Variants in STAT3 observed in about 807,000 individuals in gnomAD.
STAT3 encodes the protein signal transducer and activator of transcription 3.
Under a neutral mutation model 114.3 loss-of-function variants are expected in STAT3, and 7 were observed. The observed-to-expected ratio is 0.06, with a 90% CI of 0.03 to 0.11. STAT3 has a LOEUF of 0.11. Ranked by LOEUF, STAT3 falls within the 10% of genes least tolerant of loss-of-function variation. The pLI, the probability that STAT3 is intolerant of heterozygous loss-of-function variation, is 1.00. For synonymous variants in STAT3, 331 were observed against 354.5 expected, an observed-to-expected ratio of 0.93 and a Z score of 0.74; for missense variants, 364 against 960.9, an observed-to-expected ratio of 0.38 and a Z score of 8.21.
chr17:42,323,391 C>T (rs2081564280), intron 18 of STAT3, 37 bp from the exon 19 acceptor site: 3 of 1,607,326 alleles, frequency 1.9e-6, no homozygotes, highest in Non-Finnish European at 2.6e-6. Flanking sequence ...AAGTCTACTG[C>T]CATCCCAGCC....
intron 1 of STAT3, among the ~76,000 whole-genome samples, chr17:42,382,222 A>C (rs896138848): frequency 2.0e-5 from 3 of 152,360 alleles, no homozygotes; most frequent in African/African-American, 7.2e-5. Flanking sequence ...GAAAAGAATT[A>C]ATCTCTTTTC....
chr17:42,329,125 G>T (rs1211323324), intron 14 of STAT3, among the ~76,000 whole-genome samples: 32 of 152,202 alleles, frequency 2.1e-4, no homozygotes, highest in Admixed American at 2.1e-3. Flanking sequence ...AAGGTGGAAA[G>T]CTGCTTTATA....
At chr17:42,378,280 C>G (rs1236743658) in intron 1 of STAT3, among the ~76,000 whole-genome samples, 1 of 151,978 alleles carries the variant, frequency 6.6e-6, no homozygotes, top group Non-Finnish European at 1.5e-5. Context: ...GACGGAGTCT[C>G]TGTTGCCCAG....
In STAT3 at chr17:42,324,308, G is replaced by A. The variant is rs9898884; in HGVS notation, c.1600+403C>T. On this transcript the variant is annotated intron_variant, in intron 17 of 23. Coordinates refer to ENST00000264657, the MANE Select transcript of STAT3 (RefSeq NM_139276.3). This position sits in a 1 kb window ranked among gnomAD's most constrained non-coding sequence, Gnocchi z 4.5. ...CACTCCAGCCTGGGCAACAGAGCAAGACTCGTCTCAAAAAAATAAATAAAT... is the reference window on the plus strand; with the variant it reads ...CACTCCAGCCTGGGCAACAGAGCAAAACTCGTCTCAAAAAAATAAATAAAT... Among the ~76,000 whole-genome samples, 28,459 of 151,826 alleles carry A rather than the reference G, an allele frequency of 0.19. 2,903 individuals carry two copies. Among genetic ancestry groups the A allele is most frequent in the East Asian group, 0.36 (1,854 of 5,172 alleles).
chr17:42,345,815 GGC>G (rs2082673604), intron 3 of STAT3, among the ~76,000 whole-genome samples, 158 bp from the exon 4 acceptor site: 1 of 149,952 alleles, frequency 6.7e-6, no homozygotes, highest in Non-Finnish European at 1.5e-5. Flanking sequence ...GCTCTCTGTC[GGC>G]GGGGGGCGAA....
chr17:42,351,129 CAAA>C (rs139529559), intron 1 of STAT3, among the ~76,000 whole-genome samples: 15 of 77,260 alleles, frequency 1.9e-4, no homozygotes, highest in African/African-American at 5.6e-4. Context: ...GACTCCATCT[CAAA>C]AAAAAAAAAA....
At chr17:42,366,205 C>T (rs1429076023) in intron 1 of STAT3, among the ~76,000 whole-genome samples, 4 of 152,132 alleles carry the variant, frequency 2.6e-5, no homozygotes, top group East Asian at 1.9e-4. Context: ...CTCTCCCAGC[C>T]GGCTTCTCCT....
chr17:42,354,854 A>C (rs1422227985), intron 1 of STAT3, among the ~76,000 whole-genome samples: 1 of 151,768 alleles, frequency 6.6e-6, no homozygotes, highest in African/African-American at 2.4e-5. Context: ...GACTGATTTC[A>C]TGTTTTACTT....
chr17:42,374,662 T>C (rs2084356512), intron 1 of STAT3, among the ~76,000 whole-genome samples: 1 of 151,060 alleles, frequency 6.6e-6, no homozygotes, highest in African/African-American at 2.4e-5. Context: ...CACATTGCGT[T>C]TTCCAGTCAA....
chr17:42,367,615 T>C (rs1449122331), intron 1 of STAT3, among the ~76,000 whole-genome samples: 2 of 152,190 alleles, frequency 1.3e-5, no homozygotes, highest in Admixed American at 6.6e-5. Context: ...CGTTCAGGTC[T>C]CTGCACAATG....
At chr17:42,368,626 ATTTT>A (rs1433788221) in intron 1 of STAT3, among the ~76,000 whole-genome samples, 1 of 151,742 alleles carries the variant, frequency 6.6e-6, no homozygotes, top group Non-Finnish European at 1.5e-5. Context: ...CACCTGGCTA[ATTTT>A]TGAATTTTTA....
chr17:42,338,671 T>C, intron 6 of STAT3, 60 bp downstream of exon 6: 1 of 1,509,204 alleles, frequency 6.6e-7, no homozygotes, highest in East Asian at 2.3e-5. Flanking sequence ...AAATGAGTCT[T>C]TCAACTCAAC....
chr17:42,318,929 AT>A (rs2081355121), intron 21 of STAT3, among the ~76,000 whole-genome samples: 2 of 152,304 alleles, frequency 1.3e-5, no homozygotes, highest in South Asian at 4.1e-4. Context: ...ACAGAAAAGG[AT>A]TTAATTCTCC....
intron 21 of STAT3, among the ~76,000 whole-genome samples, chr17:42,319,672 G>A (rs1306005029): frequency 6.6e-6 from 1 of 151,638 alleles, no homozygotes; most frequent in Non-Finnish European, 1.5e-5. Context: ...ATAAGGAAAT[G>A]CTATGTGGGC....
At chr17:42,330,340 T>G (rs1488370295) in intron 11 of STAT3, among the ~76,000 whole-genome samples, 2 of 152,192 alleles carry the variant, frequency 1.3e-5, no homozygotes, top group East Asian at 3.9e-4. Context: ...GGTTTCGAAC[T>G]CTCGACCTCA....
rs547469608 is a variant in STAT3, at chr17:42,385,319, G to A, written c.-24+2960C>T. 3.1e-4 allele frequency among the ~76,000 whole-genome samples: 47 copies of A among 152,052 alleles called. No homozygotes were observed. In the South Asian group the frequency reaches 9.4e-3, roughly 30 times the overall value. On this transcript the variant is annotated intron_variant, in intron 1 of 23. Coordinates refer to ENST00000264657, the MANE Select transcript of STAT3 (RefSeq NM_139276.3). ...AGGTCAGGAGTTTGAGACCAGCCTG[G>A]TCAATATAGTGAAACCTTATCTCTA...
chr17:42,359,734 C>T (rs1257000494), intron 1 of STAT3, among the ~76,000 whole-genome samples: 1 of 152,064 alleles, frequency 6.6e-6, no homozygotes, highest in South Asian at 2.1e-4. Context: ...TATTTTTATC[C>T]CACTTTACAG....
intron 1 of STAT3, among the ~76,000 whole-genome samples, chr17:42,370,643 T>C: frequency 6.6e-6 from 1 of 151,374 alleles, no homozygotes. Flanking sequence ...TTTTTTTTTT[T>C]AAGAGACAGA....
chr17:42,377,596 GAA>G (rs1331700813), intron 1 of STAT3, among the ~76,000 whole-genome samples: 1 of 152,168 alleles, frequency 6.6e-6, no homozygotes, highest in Non-Finnish European at 1.5e-5. Context: ...CTGTCCCTGG[GAA>G]AGAGTCCCAA....
Sources: allele counts gnomAD v4.1 joint callset (sites outside exome capture counted in the v4.1 genomes callset), GRCh38; gene constraint gnomAD v4.1.1; non-coding constraint Gnocchi (gnomAD v3.1); transcripts MANE v1.5; gene names NCBI Gene and HGNC (gene_info 2026-07-23, HGNC 2026-07-21).